Variants in RBPMS observed in about 807,000 individuals in gnomAD.
The protein encoded by RBPMS is RNA binding protein, mRNA processing factor.
In RBPMS, 7 loss-of-function variants were observed where a neutral mutation model predicts 26.8. The ratio of observed to expected loss-of-function variants is 0.26; its 90% CI spans 0.15 to 0.49. The LOEUF is 0.49. RBPMS is among the 20% of genes least tolerant of loss of function. RBPMS has a pLI of 0.98. For missense variants in RBPMS, 186 were observed against 250.0 expected (o/e 0.74, Z 1.73); for synonymous variants, 96 against 93.3 (o/e 1.03, Z -0.17).
At chr8:30,535,576 A>G (rs1442324438) in intron 5 of RBPMS, among the ~76,000 whole-genome samples, 1 of 152,224 alleles carries the variant, frequency 6.6e-6, no homozygotes, top group Non-Finnish European at 1.5e-5. Flanking sequence ...AAAGAAATCT[A>G]CATTAAAATA....
At chr8:30,531,708 G>T (rs1824242771) in intron 5 of RBPMS, among the ~76,000 whole-genome samples, 1 of 152,220 alleles carries the variant, frequency 6.6e-6, no homozygotes, top group Admixed American at 6.5e-5. Context: ...AGTCAACAGT[G>T]TGACTATTAA....
At chr8:30,428,320 C>T (rs1811581673) in intron 1 of RBPMS, among the ~76,000 whole-genome samples, 1 of 151,408 alleles carries the variant, frequency 6.6e-6, no homozygotes, top group East Asian at 2.0e-4. Flanking sequence ...TGCACCTGGC[C>T]ATGGGACCCC....
chr8:30,424,788 A>G (rs1811172336), intron 1 of RBPMS, among the ~76,000 whole-genome samples: 1 of 152,202 alleles, frequency 6.6e-6, no homozygotes, highest in Admixed American at 6.5e-5. Context: ...AGCGGTGCTC[A>G]GTGATCAGTG....
chr8:30,545,054 G>T (rs550953911), intron 6 of RBPMS: 1 of 1,397,650 alleles, frequency 7.2e-7, no homozygotes, highest in Admixed American at 2.5e-5. Context: ...TTCCACTCTC[G>T]TGTACGGTGA....
At chr8:30,410,566 ATG>A (rs144441518) in intron 1 of RBPMS, among the ~76,000 whole-genome samples, 4 of 143,406 alleles carry the variant, frequency 2.8e-5, no homozygotes, top group Admixed American at 7.0e-5. Context: ...GTGTGTGTGT[ATG>A]TGTGTGTGTG....
At chr8:30,549,749 T>TG (rs1272326656) in intron 6 of RBPMS, among the ~76,000 whole-genome samples, 110 of 132,422 alleles carry the variant, frequency 8.3e-4, no homozygotes, top group East Asian at 6.1e-3. Flanking sequence ...TTTCTTTCTT[T>TG]CCTTTTCTTT....
intron 5 of RBPMS, among the ~76,000 whole-genome samples, chr8:30,543,105 G>T (rs897656953): frequency 6.6e-6 from 1 of 152,162 alleles, no homozygotes; most frequent in African/African-American, 2.4e-5. Context: ...ACCAGCAACA[G>T]TATGTTAAAC....
chr8:30,421,286 C>T (rs1585405494), intron 1 of RBPMS, among the ~76,000 whole-genome samples: 1 of 152,250 alleles, frequency 6.6e-6, no homozygotes, highest in African/African-American at 2.4e-5. Context: ...CACATACTCA[C>T]CAGCTTCCTG....
intron 1 of RBPMS, among the ~76,000 whole-genome samples, chr8:30,438,818 G>A (rs7819237): frequency 0.011 from 1,724 of 151,940 alleles, 17 homozygotes; most frequent in Non-Finnish European, 0.019. Context: ...TGCCAGCCCC[G>A]GCTGGAGTGC....
intron 5 of RBPMS, among the ~76,000 whole-genome samples, chr8:30,511,487 ATAT>A (rs1251206262): frequency 3.1e-4 from 4 of 12,720 alleles, no homozygotes; most frequent in African/African-American, 8.9e-4. Flanking sequence ...AAAAAAAAAA[ATAT>A]ATATATATAT....
At position 30,544,600 on chromosome 8, in the gene RBPMS, C is replaced by T. The variant is rs1313347909; in HGVS notation, c.504C>T (p.Thr168=). 6 of 1,614,178 alleles carry T rather than the reference C, an allele frequency of 3.7e-6. No homozygotes were observed. Among genetic ancestry groups the T allele is most frequent in the Admixed American group, 1.7e-5 (1 of 60,024 alleles). Residue 168 remains threonine, a synonymous_variant, in exon 6 of 9, where the codon ACC becomes ACT. Coordinates refer to ENST00000397323, the MANE Select transcript of RBPMS (RefSeq NM_001008710.3). ...CTGCTCTACCTCCTCCTGCTTTCAC[C>T]TATCCCGCTTCACTGCATGCCCAGG... ...LAPALPPPAF[T]YPASLHAQMR...
rs1405003759 is a variant in RBPMS, at chr8:30,559,035, TCTC to T, written c.*7+85_*7+87del. The T allele has an allele frequency of 3.0e-5, 34 of 1,135,990 alleles. No individual in the cohort carries two copies. The Middle Eastern group carries it at 3.0e-3, about 101-fold the overall frequency. 70.4% of individuals were successfully genotyped at this position (1,135,990 alleles called of 1,614,324 possible). ...ATGGTGGGTGCGCCATGAACGCAGC[TCTC>T]CTCCTTTCTCTGCACCCACACCTTA... On this transcript the variant is annotated intron_variant, in intron 7 of 8. Coordinates refer to ENST00000397323, the MANE Select transcript of RBPMS (RefSeq NM_001008710.3).
At chr8:30,509,092 A>C (rs1435256272) in intron 5 of RBPMS, among the ~76,000 whole-genome samples, 1 of 152,050 alleles carries the variant, frequency 6.6e-6, no homozygotes, top group Non-Finnish European at 1.5e-5. Flanking sequence ...AAAAAATAAT[A>C]ATTGTTCTTA....
At chr8:30,501,890 TTTC>T (rs1365362231) in intron 4 of RBPMS, among the ~76,000 whole-genome samples, 1 of 152,210 alleles carries the variant, frequency 6.6e-6, no homozygotes, top group African/African-American at 2.4e-5. Context: ...TCTGCCTCTT[TTTC>T]TTTTTTCCCT....
Position 30,452,392 on chromosome 8 carries a change from A to G in RBPMS, c.67-22387A>G, listed in dbSNP as rs62502005. Reference sequence around the variant, plus strand: ...TAAGCAAAATGCTAGACTAGATGTCACTGGGCAGGGCTGGGATTGGGGGGT... The same window carrying G: ...TAAGCAAAATGCTAGACTAGATGTCGCTGGGCAGGGCTGGGATTGGGGGGT... On this transcript the variant is annotated intron_variant, in intron 1 of 8. Coordinates refer to ENST00000397323, the MANE Select transcript of RBPMS (RefSeq NM_001008710.3). Among the ~76,000 whole-genome samples the G allele has an allele frequency of 6.4e-3, 979 of 152,304 alleles. 6 individuals carry two copies. Among genetic ancestry groups the G allele is most frequent in the Middle Eastern group, 0.01 (3 of 294 alleles).
chr8:30,561,144 T>G (rs1827447885), intron 7 of RBPMS, among the ~76,000 whole-genome samples: 1 of 152,358 alleles, frequency 6.6e-6, no homozygotes, highest in South Asian at 2.1e-4. Flanking sequence ...TTGTGAATTC[T>G]AAAAGTTTGC....
At chr8:30,512,913 C>T (rs1821872535) in intron 5 of RBPMS, among the ~76,000 whole-genome samples, 2 of 152,138 alleles carry the variant, frequency 1.3e-5, no homozygotes. Flanking sequence ...GGGGAAGGGG[C>T]CTGCCCTGAA....
intron 5 of RBPMS, among the ~76,000 whole-genome samples, chr8:30,509,487 T>C (rs1049432087): frequency 6.6e-6 from 1 of 152,178 alleles, no homozygotes; most frequent in Admixed American, 6.5e-5. Flanking sequence ...CTGTAAAGTA[T>C]CTCACACATT....
At chr8:30,408,085 C>T (rs1808858358) in intron 1 of RBPMS, among the ~76,000 whole-genome samples, 1 of 152,182 alleles carries the variant, frequency 6.6e-6, no homozygotes, top group African/African-American at 2.4e-5. Context: ...TTAAGAAAAT[C>T]TAAATGGCCT....
Sources: gnomAD v4.1 joint callset for allele counts (sites outside exome capture counted in the v4.1 genomes callset) on GRCh38, gnomAD v4.1.1 for gene constraint, MANE v1.5 for transcripts, NCBI Gene and HGNC (gene_info 2026-07-23, HGNC 2026-07-21) for gene names.